Variants in CDH6 observed in about 807,000 individuals in gnomAD.
CDH6 encodes cadherin-6.
Under a neutral mutation model 78.0 loss-of-function variants are expected in CDH6, and 31 were observed. The ratio of observed to expected loss-of-function variants is 0.40; its 90% CI spans 0.30 to 0.54. The LOEUF (loss-of-function observed/expected upper bound fraction) is 0.54. Among genes scored for constraint, CDH6 ranks in the 20% least tolerant of loss-of-function variants. CDH6 has a pLI of 0.56. For missense variants in CDH6, 724 were observed against 975.9 expected (o/e 0.74, Z 3.44); for synonymous variants, 376 against 368.8 (o/e 1.02, Z -0.23).
In CDH6 at chr5:31,323,907, T is replaced by G. The variant is rs1233985777; in HGVS notation, c.*599T>G. The G allele has an allele frequency of 4.4e-6, 1 of 229,422 alleles. No individual in the cohort carries two copies. Among genetic ancestry groups the G allele is most frequent in the Non-Finnish European group, 8.6e-6 (1 of 115,722 alleles). 14.2% of individuals were successfully genotyped at this position (229,422 alleles called of 1,614,324 possible). A position where few individuals can be genotyped will look rare whatever the true frequency, so the allele number is the denominator to read the frequency against. On this transcript the variant is annotated 3_prime_UTR_variant, in exon 12 of 12. Transcript: ENST00000265071. ...TAAAATTCTCATTACTCTTAAGGAA[T>G]AGAAGCAAATTAAACGGTAACATCC...
chr5:31,293,489 A>G (rs2149947249), intron 2 of CDH6, among the ~76,000 whole-genome samples: 1 of 152,308 alleles, frequency 6.6e-6, no homozygotes, highest in Non-Finnish European at 1.5e-5. Context: ...GTAGAAATAG[A>G]ATATACCCAA....
chr5:31,305,157 C>A lies in CDH6; in HGVS notation c.1000-17C>A. 1 of 1,598,686 alleles carries A rather than the reference C, an allele frequency of 6.3e-7. No individual in the cohort carries two copies. Among genetic ancestry groups the A allele is most frequent in the South Asian group, 1.1e-5 (1 of 88,568 alleles). ...TGCTTTAAATATGTCACTTCTTCCC[C>A]CACCCCCAACCTCAAGCTCTTGGAC... On this transcript the variant is annotated splice_polypyrimidine_tract_variant and intron_variant, in intron 6 of 11. Coordinates refer to ENST00000265071, the MANE Select transcript of CDH6 (RefSeq NM_004932.4).
intron 1 of CDH6, among the ~76,000 whole-genome samples, chr5:31,207,002 C>T (rs1388796470): frequency 6.6e-6 from 1 of 152,066 alleles, no homozygotes; most frequent in Non-Finnish European, 1.5e-5. Flanking sequence ...TGCCACAAAG[C>T]ACAAAGCCAT....
intron 1 of CDH6, among the ~76,000 whole-genome samples, chr5:31,224,636 G>A (rs1043444275): frequency 1.4e-4 from 21 of 152,090 alleles, no homozygotes; most frequent in African/African-American, 3.4e-4. Context: ...CACTGCAGCC[G>A]TGACCTCCCT....
At chr5:31,267,832 T>C in intron 2 of CDH6, 131 bp downstream of exon 2, 1 of 674,518 alleles carries the variant, frequency 1.5e-6, no homozygotes, top group Non-Finnish European at 2.5e-6. Flanking sequence ...TAAGACTTTT[T>C]TTTTTTCCAC....
intron 1 of CDH6, among the ~76,000 whole-genome samples, chr5:31,199,685 G>GTATATATATA (rs1554035032): frequency 0.022 from 1,774 of 79,666 alleles, 54 homozygotes; most frequent in East Asian, 0.07. Context: ...GTGTGTGTGT[G>GTATATATATA]TATATATATA....
At chr5:31,245,296 C>A (rs576319059) in intron 1 of CDH6, among the ~76,000 whole-genome samples, 8 of 152,178 alleles carry the variant, frequency 5.3e-5, no homozygotes, top group Admixed American at 2.0e-4. Flanking sequence ...CAACAGGCAG[C>A]GGGAGATCAC....
chr5:31,280,492 G>A (rs868165969), intron 2 of CDH6, among the ~76,000 whole-genome samples: 5 of 152,174 alleles, frequency 3.3e-5, no homozygotes, highest in Admixed American at 1.3e-4. Context: ...TGCCAGCACA[G>A]TACCAAAGCT....
rs186352714 is a variant in CDH6 at position 31,326,870 on chromosome 5, T to A, written c.*3562T>A. 7.8e-3 allele frequency: 1,226 copies of A among 156,792 alleles called. 14 individuals are homozygous for A. Among genetic ancestry groups the A allele is most frequent in the African/African-American group, 0.028 (1,174 of 41,580 alleles). The allele number at this position is 156,792 out of a possible 1,614,324, so 9.7% of individuals were successfully genotyped here. On this transcript the variant is annotated 3_prime_UTR_variant, in exon 12 of 12. Transcript: ENST00000265071. The stretch of plus-strand genomic sequence containing the variant: ...CCACGCCCGGCTAATTTTTGTTGTA[T>A]TTTTTAGTGGAGACAGGGTTTCACC...
At chr5:31,194,763 A>G (rs1381495236) in intron 1 of CDH6, among the ~76,000 whole-genome samples, 3 of 152,144 alleles carry the variant, frequency 2.0e-5, no homozygotes, top group Non-Finnish European at 4.4e-5. Context: ...GGAGCCCCCA[A>G]TGCGTTAATC....
At chr5:31,197,645 G>C (rs1740205990) in intron 1 of CDH6, among the ~76,000 whole-genome samples, 2 of 152,124 alleles carry the variant, frequency 1.3e-5, no homozygotes, top group Admixed American at 1.3e-4. Context: ...GAAAGAAGAA[G>C]GCATACACAC....
At chr5:31,247,753 T>C (rs1406762597) in intron 1 of CDH6, among the ~76,000 whole-genome samples, 1 of 152,306 alleles carries the variant, frequency 6.6e-6, no homozygotes, top group African/African-American at 2.4e-5. Context: ...TCAGAACACA[T>C]AGTAAATTTC....
chr5:31,248,043 C>A (rs1384621132), intron 1 of CDH6, among the ~76,000 whole-genome samples: 2 of 152,070 alleles, frequency 1.3e-5, no homozygotes, highest in African/African-American at 4.8e-5. Context: ...AATGAAGGTG[C>A]CTAGCCAACA....
intron 1 of CDH6, among the ~76,000 whole-genome samples, chr5:31,206,878 C>T (rs922987590): frequency 6.6e-6 from 1 of 151,912 alleles, no homozygotes; most frequent in Non-Finnish European, 1.5e-5. Flanking sequence ...GAAAGAAGCA[C>T]CATACCTCCC....
intron 1 of CDH6, among the ~76,000 whole-genome samples, chr5:31,248,744 C>A (rs1741826390): frequency 6.6e-6 from 1 of 152,160 alleles, no homozygotes; most frequent in African/African-American, 2.4e-5. Context: ...CACACACACA[C>A]ACAATTATAC....
At chr5:31,256,168 CA>C (rs553219801) in intron 1 of CDH6, among the ~76,000 whole-genome samples, 134 of 152,274 alleles carry the variant, frequency 8.8e-4, no homozygotes, top group African/African-American at 3.1e-3. Flanking sequence ...ATTATTCATA[CA>C]TTTTTTTTCA....
chr5:31,194,726 G>A (rs1272647527), intron 1 of CDH6, among the ~76,000 whole-genome samples: 1 of 152,118 alleles, frequency 6.6e-6, no homozygotes, highest in East Asian at 1.9e-4. Flanking sequence ...AGTGCGCTTG[G>A]TTTTCGGTGC....
intron 1 of CDH6, among the ~76,000 whole-genome samples, chr5:31,196,173 C>T (rs1740159461): frequency 6.6e-6 from 1 of 152,176 alleles, no homozygotes; most frequent in Non-Finnish European, 1.5e-5. Context: ...CTTCCATCAG[C>T]TTTGCAAGGA....
chr5:31,322,698 G>C (rs1738502574), intron 11 of CDH6, 120 bp from the exon 12 acceptor site: 2 of 1,164,698 alleles, frequency 1.7e-6, no homozygotes, highest in African/African-American at 1.5e-5. Flanking sequence ...AATAAAAGTT[G>C]AGTCTGCATT....
Sources: gnomAD v4.1 joint callset for allele counts (sites outside exome capture counted in the v4.1 genomes callset) on GRCh38, gnomAD v4.1.1 for gene constraint, MANE v1.5 for transcripts, NCBI Gene and HGNC (gene_info 2026-07-23, HGNC 2026-07-21) for gene names.